OLFM3: variants seen among roughly 807,000 people sequenced by gnomAD.
OLFM3 encodes the protein olfactomedin 3, also known as noelin-3.
A neutral mutation model predicts 48.6 loss-of-function variants in OLFM3; 20 were observed. The ratio of observed to expected loss-of-function variants is 0.41; its 90% CI spans 0.29 to 0.60. The LOEUF (loss-of-function observed/expected upper bound fraction) is 0.60, where lower values mean the gene tolerates loss of function less well. Among genes scored for constraint, OLFM3 ranks in the 20% least tolerant of loss-of-function variants. OLFM3 has a pLI of 0.28. For missense variants in OLFM3, 437 were observed against 544.3 expected (o/e 0.80, Z 1.96); for synonymous variants, 222 against 198.1 (o/e 1.12, Z -1.01).
intron 1 of OLFM3, among the ~76,000 whole-genome samples, chr1:101,843,957 A>G (rs1570553435): frequency 6.6e-6 from 1 of 152,258 alleles, no homozygotes; most frequent in East Asian, 1.9e-4. Context: ...AACTCATCCC[A>G]TTCATACTGT....
At chr1:101,910,119 T>TA (rs1658698994) in intron 1 of OLFM3, 1 of 985,388 alleles carries the variant, frequency 1.0e-6, no homozygotes, top group Admixed American at 6.1e-5. Context: ...GCTTTACAGT[T>TA]AAATAATCCT....
intron 3 of OLFM3, among the ~76,000 whole-genome samples, 165 bp downstream of exon 3, chr1:101,830,507 C>T (rs550697637): frequency 1.3e-5 from 2 of 152,310 alleles, no homozygotes; most frequent in Admixed American, 1.3e-4. Flanking sequence ...TGTCTTCCTA[C>T]CAGCTAATGG....
chr1:101,804,753 G>C lies in OLFM3; in HGVS notation c.862C>G (p.Gln288Glu). Residue 288 changes from glutamine to glutamate, a missense_variant, in exon 6 of 6, where the codon CAG (glutamine) becomes GAG (glutamate). Gln to Glu is a conservative substitution (Grantham distance 29, BLOSUM62 2). Around this residue, in one of 3 missense-constraint regions of OLFM3, gnomAD observed 314 missense variants for 365.5 expected, o/e 0.86. Transcript: ENST00000370103. The surrounding 1 kb of genome is among the most constrained non-coding windows in gnomAD (Gnocchi z 4.5). ...CTGTATTTGATGATGATATTACTCTGATACTTGTTAAAATAGAGTGAGCCA... is the reference window on the plus strand; with the variant it reads ...CTGTATTTGATGATGATATTACTCTCATACTTGTTAAAATAGAGTGAGCCA... ...YNGSLYFNKY[Q>E]SNIIIKYSFD... The C allele has an allele frequency of 1.2e-6, 2 of 1,612,688 alleles. No homozygotes were observed. The highest frequency in any genetic ancestry group is 1.7e-6 in the Non-Finnish European group (2 of 1,179,154).
intron 1 of OLFM3, among the ~76,000 whole-genome samples, chr1:101,870,615 G>T (rs936879941): frequency 3.3e-5 from 5 of 152,026 alleles, no homozygotes; most frequent in African/African-American, 1.2e-4. Flanking sequence ...GACTGTTAAT[G>T]GTCTACTAAC....
chr1:101,967,392 CA>C (rs1197231876), intron 1 of OLFM3, among the ~76,000 whole-genome samples: 1 of 150,664 alleles, frequency 6.6e-6, no homozygotes, highest in African/African-American at 2.4e-5. Flanking sequence ...GCTGCTGTAG[CA>C]AAAAAAGAAA....
At chr1:101,837,123 T>A (rs980960484) in intron 1 of OLFM3, 98 bp from the exon 2 acceptor site, 13 of 1,235,854 alleles carry the variant, frequency 1.1e-5, no homozygotes, top group Middle Eastern at 2.2e-4. Flanking sequence ...TTTTTGATAA[T>A]TTAACTTTGT....
chr1:101,898,092 C>T (rs1219252421), intron 1 of OLFM3, among the ~76,000 whole-genome samples: 3 of 151,978 alleles, frequency 2.0e-5, no homozygotes, highest in African/African-American at 7.3e-5. Flanking sequence ...ATAATTCACC[C>T]TTCCTTAATA....
At chr1:101,829,212 T>C (rs1655029962) in intron 3 of OLFM3, among the ~76,000 whole-genome samples, 1 of 152,210 alleles carries the variant, frequency 6.6e-6, no homozygotes, top group Non-Finnish European at 1.5e-5. Context: ...CATATTCTTC[T>C]CTGTTTACCA....
chr1:101,946,171 T>C (rs1403451994), intron 1 of OLFM3, among the ~76,000 whole-genome samples: 1 of 148,632 alleles, frequency 6.7e-6, no homozygotes, highest in African/African-American at 2.5e-5. Context: ...AGAAAAGCAG[T>C]GTAAAAATGA....
chr1:101,856,965 A>G (rs1319983218), intron 1 of OLFM3, among the ~76,000 whole-genome samples: 1 of 151,986 alleles, frequency 6.6e-6, no homozygotes, highest in African/African-American at 2.4e-5. Flanking sequence ...AGTGGAAAAG[A>G]TAATGCTTGA....
chr1:101,804,734 T>G lies in OLFM3; in HGVS notation c.881A>C (p.Lys294Thr). ...CACTCTCCCCATATCAAAGCTGTAT[T>G]TGATGATGATATTACTCTGATACTT... ...FNKYQSNIII[K>T]YSFDMGRVLA... Residue 294 changes from lysine (K) to threonine (T), a missense_variant, in exon 6 of 6, where the codon AAA (lysine) becomes ACA (threonine). Physicochemically the swap from Lys to Thr is moderately conservative, Grantham distance 78 (BLOSUM62 -1). Around this residue, in one of 3 missense-constraint regions of OLFM3, gnomAD observed 314 missense variants for 365.5 expected, o/e 0.86. Transcript: ENST00000370103. This position sits in a 1 kb window ranked among gnomAD's most constrained non-coding sequence, Gnocchi z 4.5. The G allele has an allele frequency of 6.2e-7, 1 of 1,612,654 alleles. No homozygotes were observed. Among genetic ancestry groups the G allele is most frequent in the Non-Finnish European group, 8.5e-7 (1 of 1,179,164 alleles).
At chr1:101,811,118 T>C (rs1313824437) in intron 4 of OLFM3, among the ~76,000 whole-genome samples, 2 of 152,044 alleles carry the variant, frequency 1.3e-5, no homozygotes, top group African/African-American at 2.4e-5. Flanking sequence ...TTGAGTCCAA[T>C]TTTGTTCTGA....
intron 1 of OLFM3, among the ~76,000 whole-genome samples, chr1:101,872,515 G>A (rs1657121061): frequency 6.6e-6 from 1 of 151,906 alleles, no homozygotes; most frequent in South Asian, 2.1e-4. Context: ...GAGGGGATTT[G>A]TTTTCAAAAT....
intron 1 of OLFM3, among the ~76,000 whole-genome samples, chr1:101,861,375 TTTG>T (rs1656649853): frequency 6.6e-6 from 1 of 152,220 alleles, no homozygotes. Flanking sequence ...TGATTATACT[TTTG>T]TCTGTCAGAA....
Position 101,804,438 on chromosome 1 carries a change from C to T in OLFM3, c.1177G>A (p.Gly393Arg). Residue 393 changes from glycine to arginine, a missense_variant, in exon 6 of 6, where the codon GGA becomes AGA. Physicochemically the swap from Gly to Arg is moderately radical, Grantham distance 125. Coordinates refer to ENST00000370103, the MANE Select transcript of OLFM3 (RefSeq NM_058170.4). This position sits in a 1 kb window ranked among gnomAD's most constrained non-coding sequence, Gnocchi z 4.5. ...TLYVTNSHLT[G>R]AKVYYSYSTK... ...GAATAGGAATAATACACCTTGGCTC[C>T]AGTTAAGTGGGAGTTGGTGACATAC... The T allele has an allele frequency of 6.2e-7, 1 of 1,612,444 alleles. No homozygotes were observed. The highest frequency in any genetic ancestry group is 8.5e-7 in the Non-Finnish European group (1 of 1,178,972).
chr1:101,971,088 A>G (rs1290449740), intron 1 of OLFM3, among the ~76,000 whole-genome samples: 1 of 152,196 alleles, frequency 6.6e-6, no homozygotes, highest in Non-Finnish European at 1.5e-5. Flanking sequence ...AAATAATTAC[A>G]TTTTTAACCA....
At chr1:101,843,581 C>T (rs1243452546) in intron 1 of OLFM3, among the ~76,000 whole-genome samples, 1 of 152,126 alleles carries the variant, frequency 6.6e-6, no homozygotes, top group Non-Finnish European at 1.5e-5. Context: ...TTTCAAGATT[C>T]TGAGAAAAAC....
intron 1 of OLFM3, among the ~76,000 whole-genome samples, chr1:101,863,813 A>G (rs1656752260): frequency 6.6e-6 from 1 of 152,182 alleles, no homozygotes; most frequent in African/African-American, 2.4e-5. Context: ...TTATTTTTCA[A>G]TTATGATAAT....
chr1:101,920,456 C>G (rs1177275708), intron 1 of OLFM3, among the ~76,000 whole-genome samples: 1 of 152,192 alleles, frequency 6.6e-6, no homozygotes, highest in East Asian at 1.9e-4. Flanking sequence ...AGTGAAGGCA[C>G]TCAGTGAATG....
Sources: allele counts gnomAD v4.1 joint callset (sites outside exome capture counted in the v4.1 genomes callset), GRCh38; gene constraint gnomAD v4.1.1; regional missense constraint gnomAD v4.1.1; non-coding constraint Gnocchi (gnomAD v3.1); transcripts MANE v1.5; gene names NCBI Gene and HGNC (gene_info 2026-07-23, HGNC 2026-07-21).